Variants in PUM1 observed in about 807,000 individuals in gnomAD.
PUM1 encodes the protein pumilio homolog 1.
A neutral mutation model predicts 131.8 loss-of-function variants in PUM1; 13 were observed. The ratio of observed to expected loss-of-function variants is 0.10; its 90% CI spans 0.06 to 0.16. The LOEUF is 0.16. Among genes scored for constraint, PUM1 ranks in the 10% least tolerant of loss-of-function variants. The probability of loss-of-function intolerance (pLI) is 1.00; values close to 1 mark genes in which losing one functional copy is unlikely to be tolerated. For missense variants in PUM1, 961 were observed against 1,512.4 expected, an observed-to-expected ratio of 0.64 and a Z score of 6.05; for synonymous variants, 509 against 556.5, an observed-to-expected ratio of 0.91 and a Z score of 1.20.
At chr1:31,028,423 G>T (rs1208459861) in intron 3 of PUM1, among the ~76,000 whole-genome samples, 1 of 151,952 alleles carries the variant, frequency 6.6e-6, no homozygotes, top group Non-Finnish European at 1.5e-5. Flanking sequence ...CATTGGCGGG[G>T]GGGGTGGGTT....
At chr1:31,004,779 C>A (rs61780464) in intron 5 of PUM1, among the ~76,000 whole-genome samples, 10,939 of 152,258 alleles carry the variant, frequency 0.072, 652 homozygotes, top group East Asian at 0.28. Flanking sequence ...CTCTGATACC[C>A]AGCAAAAGAT....
At chr1:31,025,470 G>C (rs1267448787) in intron 3 of PUM1, among the ~76,000 whole-genome samples, 3 of 150,824 alleles carry the variant, frequency 2.0e-5, no homozygotes, top group African/African-American at 7.3e-5. Flanking sequence ...CTCAAACGAA[G>C]ATATGGTGCC....
chr1:30,980,817 T>A (rs1641326413), intron 8 of PUM1, among the ~76,000 whole-genome samples: 1 of 152,190 alleles, frequency 6.6e-6, no homozygotes, highest in Non-Finnish European at 1.5e-5. Flanking sequence ...GTACGATGAA[T>A]ACATCGCTCA....
At chr1:30,943,569 A>T (rs1639550060) in intron 18 of PUM1, among the ~76,000 whole-genome samples, 1 of 152,112 alleles carries the variant, frequency 6.6e-6, no homozygotes, top group Non-Finnish European at 1.5e-5. Context: ...TGACATTTTT[A>T]AAAAATGCAA....
At chr1:30,955,230 C>T (rs962973640) in intron 14 of PUM1, among the ~76,000 whole-genome samples, 2 of 151,154 alleles carry the variant, frequency 1.3e-5, no homozygotes, top group Admixed American at 6.6e-5. Flanking sequence ...CTGAGACGGG[C>T]CGATCACAAG....
At chr1:31,046,509 TG>T (rs1387339331) in intron 2 of PUM1, among the ~76,000 whole-genome samples, 13 of 110,164 alleles carry the variant, frequency 1.2e-4, no homozygotes, top group Non-Finnish European at 1.8e-4. Context: ...TTTGTTTTTT[TG>T]GTTTTTTTTT....
At chr1:31,014,378 C>CTCA (rs1235380584) in intron 3 of PUM1, among the ~76,000 whole-genome samples, 1 of 150,916 alleles carries the variant, frequency 6.6e-6, no homozygotes, top group African/African-American at 2.4e-5. Context: ...GATGCAGTGG[C>CTCA]TCATGCTTGT....
chr1:30,980,845 A>G (rs1641327238), intron 8 of PUM1, among the ~76,000 whole-genome samples: 1 of 152,240 alleles, frequency 6.6e-6, no homozygotes. Context: ...AACAACTGCT[A>G]AAGGAAAAGG....
intron 2 of PUM1, chr1:31,055,362 G>T (rs149564589): frequency 2.2e-6 from 1 of 456,010 alleles, no homozygotes; most frequent in Non-Finnish European, 4.4e-6. Context: ...CAATCAACAC[G>T]AAAGTTTCAT....
At chr1:31,007,456 A>T (rs1254423249) in intron 3 of PUM1, among the ~76,000 whole-genome samples, 1 of 152,214 alleles carries the variant, frequency 6.6e-6, no homozygotes, top group African/African-American at 2.4e-5. Flanking sequence ...ACTCTTACTG[A>T]AAAAGAAAGT....
chr1:30,979,591 T>C (rs1428598031), intron 9 of PUM1, among the ~76,000 whole-genome samples: 3 of 149,002 alleles, frequency 2.0e-5, no homozygotes, highest in Non-Finnish European at 3.0e-5. Context: ...CATACTAGGG[T>C]AGAAAAAAGG....
Position 30,970,060 on chromosome 1 carries a change from C to T in PUM1, c.1507-1568G>A, listed in dbSNP as rs1195773531. ...AAGAATCTATCTCACAAGATCTACA[C>T]ACTCCAGCAAGCAAAAATGCAAAAC... On this transcript the variant is annotated intron_variant, in intron 10 of 21. Transcript: ENST00000426105. Among the ~76,000 whole-genome samples the T allele has an allele frequency of 1.3e-5, 2 of 152,194 alleles. 1 individual carries two copies. Among genetic ancestry groups the T allele is most frequent in the Non-Finnish European group, 2.9e-5 (2 of 68,026 alleles).
At chr1:30,947,959 G>A (rs367930682) in intron 17 of PUM1, among the ~76,000 whole-genome samples, 35 of 150,432 alleles carry the variant, frequency 2.3e-4, no homozygotes, top group Middle Eastern at 3.4e-3. Context: ...GGGCTCAAGC[G>A]ATCCTCCTGC....
intron 5 of PUM1, among the ~76,000 whole-genome samples, chr1:30,999,837 G>A (rs544849762): frequency 2.6e-5 from 4 of 152,162 alleles, no homozygotes; most frequent in South Asian, 4.2e-4. Flanking sequence ...ATAAAGAGAC[G>A]CACTGGGATG....
At chr1:31,031,257 A>G (rs1017578558) in intron 2 of PUM1, among the ~76,000 whole-genome samples, 1 of 152,236 alleles carries the variant, frequency 6.6e-6, no homozygotes, top group African/African-American at 2.4e-5. Context: ...TGTGGAATCT[A>G]ATTATACATT....
chr1:30,994,424 T>C (rs1214405527), intron 6 of PUM1, among the ~76,000 whole-genome samples: 1 of 152,224 alleles, frequency 6.6e-6, no homozygotes, highest in Non-Finnish European at 1.5e-5. Flanking sequence ...AAGATAAATA[T>C]ACATTATTTT....
chr1:31,030,537 T>C (rs1252576694), intron 2 of PUM1, among the ~76,000 whole-genome samples: 2 of 151,798 alleles, frequency 1.3e-5, no homozygotes, highest in Non-Finnish European at 2.9e-5. Context: ...CAAACAAAAA[T>C]TTAAAAAATA....
At position 30,933,403 on chromosome 1, in the gene PUM1, C is replaced by T. The variant is rs190740619; in HGVS notation, c.3436-61G>A. The T allele has an allele frequency of 3.4e-4, 513 of 1,517,542 alleles. 2 individuals carry two copies. In the African/African-American group the frequency reaches 6.0e-3, roughly 18 times the overall value. The allele number at this position is 1,517,542 out of a possible 1,614,324, so 94.0% of individuals were successfully genotyped here. A position where few individuals can be genotyped will look rare whatever the true frequency, so the allele number is the denominator to read the frequency against. On this transcript the variant is annotated intron_variant, in intron 21 of 21. Transcript: ENST00000426105. Reference sequence around the variant, plus strand: ...AGATGAGACTTGGGGGCAGGCTTCCCGGACATGCATTTGCATGTCATGCAT... The same window carrying T: ...AGATGAGACTTGGGGGCAGGCTTCCTGGACATGCATTTGCATGTCATGCAT...
Position 30,984,594 on chromosome 1 carries a change from T to G in PUM1, c.1159-3189A>C, listed in dbSNP as rs541841704. 1.6e-4 allele frequency among the ~76,000 whole-genome samples: 25 copies of G among 152,298 alleles called. 1 individual carries two copies. Among genetic ancestry groups the G allele is most frequent in the African/African-American group, 6.0e-4 (25 of 41,558 alleles). On this transcript the variant is annotated intron_variant, in intron 7 of 21. Transcript: ENST00000426105. ...TCTGAATGCTGGGGAAAATGTATCA[T>G]CTACTTCAAGCATATCGAGGTTCCT... is the stretch of plus-strand genomic sequence containing the variant.
Sources: allele counts gnomAD v4.1 joint callset (sites outside exome capture counted in the v4.1 genomes callset), GRCh38; gene constraint gnomAD v4.1.1; transcripts MANE v1.5; gene names NCBI Gene and HGNC (gene_info 2026-07-23, HGNC 2026-07-21).